The following ATXN2 variants were observed in gnomAD, a reference collection of about 807,000 sequenced individuals.
ATXN2 encodes the protein ataxin 2, also known as ataxin-2.
Under a neutral mutation model 138.6 loss-of-function variants are expected in ATXN2, and 37 were observed. That is an observed-to-expected ratio of 0.27 (90% CI 0.21 to 0.35). The LOEUF (loss-of-function observed/expected upper bound fraction) is 0.35, where lower values mean the gene tolerates loss of function less well. Among genes scored for constraint, ATXN2 ranks in the 10% least tolerant of loss-of-function variants. The probability of loss-of-function intolerance (pLI) is 1.00; values close to 1 mark genes in which losing one functional copy is unlikely to be tolerated. For missense variants in ATXN2, 1,216 were observed against 1,480.3 expected, an observed-to-expected ratio of 0.82 and a Z score of 2.93; for synonymous variants, 549 against 543.7, an observed-to-expected ratio of 1.01 and a Z score of -0.13.
intron 1 of ATXN2, among the ~76,000 whole-genome samples, chr12:111,569,665 A>G (rs1797346531): frequency 6.6e-6 from 1 of 152,204 alleles, no homozygotes; most frequent in South Asian, 2.1e-4. Context: ...GCAGTGAGCC[A>G]GGATCATGCC....
intron 14 of ATXN2, among the ~76,000 whole-genome samples, chr12:111,497,952 C>T (rs1878530172): frequency 6.6e-6 from 1 of 151,982 alleles, no homozygotes; most frequent in Non-Finnish European, 1.5e-5. Flanking sequence ...GGAGGTGGAG[C>T]TTGCAGTGAG....
chr12:111,579,045 A>T (rs933707266), intron 1 of ATXN2, among the ~76,000 whole-genome samples: 4 of 152,146 alleles, frequency 2.6e-5, no homozygotes, highest in Non-Finnish European at 4.4e-5. Context: ...CTCAAAAAAA[A>T]ATTCATACAC....
intron 1 of ATXN2, among the ~76,000 whole-genome samples, chr12:111,565,904 G>A (rs548908572): frequency 2.5e-4 from 38 of 151,806 alleles, no homozygotes; most frequent in Admixed American, 1.3e-4. Context: ...GCTGAGGCAC[G>A]AGAATTGCTT....
chr12:111,595,914 T>C (rs1201666591), intron 1 of ATXN2, among the ~76,000 whole-genome samples: 2 of 145,614 alleles, frequency 1.4e-5, no homozygotes, highest in East Asian at 4.0e-4. Context: ...AATACAAAAA[T>C]TGGCCAGGGG....
intron 18 of ATXN2, among the ~76,000 whole-genome samples, chr12:111,475,594 A>C (rs1249338483): frequency 6.6e-6 from 1 of 150,496 alleles, no homozygotes; most frequent in African/African-American, 2.4e-5. Context: ...GGGTTCAAGC[A>C]ATTCTTCTGC....
chr12:111,552,959 G>C lies in ATXN2; in HGVS notation c.367C>G (p.Gln123Glu). 7 of 1,562,496 alleles carry C rather than the reference G, an allele frequency of 4.5e-6. No individual in the cohort carries two copies. The highest frequency in any genetic ancestry group is 6.0e-6 in the Non-Finnish European group (7 of 1,159,364). ...TSVVGSKCEV[Q>E]VKNGGIYEGV... ...TCATATATACCTCCATTTTTCACTTGTACTTCACATTTGGAGCCCTAAAAA... is the reference window on the plus strand; with the variant it reads ...TCATATATACCTCCATTTTTCACTTCTACTTCACATTTGGAGCCCTAAAAA... The change falls in exon 4 of 25, where the codon CAA becomes GAA. Residue 123 changes from glutamine to glutamate, a missense_variant. Coordinates refer to ENST00000673436, the MANE Select transcript of ATXN2 (RefSeq NM_001372574.1). The surrounding 1 kb of genome is among the most constrained non-coding windows in gnomAD (Gnocchi z 4.1).
intron 15 of ATXN2, among the ~76,000 whole-genome samples, chr12:111,487,833 TA>T (rs946243809): frequency 8.6e-5 from 13 of 151,450 alleles, no homozygotes; most frequent in African/African-American, 2.2e-4. Flanking sequence ...GTCATGGCTG[TA>T]AAAAAAAATT....
intron 1 of ATXN2, chr12:111,597,890 C>G: frequency 1.6e-6 from 2 of 1,287,832 alleles, no homozygotes; most frequent in South Asian, 1.2e-5. Flanking sequence ...TCTCCAGGGT[C>G]CAGCCTGGGT....
Position 111,453,450 on chromosome 12 carries a change from C to T in ATXN2, c.3439+227G>A. ...TGCTGTTGCTGCTGCTGCTGCTTCTCATCAAGCCAAATCCTGTATACCATC... is the reference window on the plus strand; with the variant it reads ...TGCTGTTGCTGCTGCTGCTGCTTCTTATCAAGCCAAATCCTGTATACCATC... On this transcript the variant is annotated intron_variant, in intron 24 of 24. Coordinates refer to ENST00000673436, the MANE Select transcript of ATXN2 (RefSeq NM_001372574.1). The surrounding 1 kb of genome is among the most constrained non-coding windows in gnomAD (Gnocchi z 5.4). 1 of 1,268,240 alleles carries T rather than the reference C, an allele frequency of 7.9e-7. No homozygotes were observed. Among genetic ancestry groups the T allele is most frequent in the South Asian group, 2.7e-5 (1 of 37,172 alleles). The allele number at this position is 1,268,240 out of a possible 1,614,324, so 78.6% of individuals were successfully genotyped here.
chr12:111,554,200 G>T lies in ATXN2; in HGVS notation c.306C>A (p.Ile102=). The change falls in exon 3 of 25, where the codon ATC becomes ATA. Residue 102 remains isoleucine, a synonymous_variant. Transcript: ENST00000673436. The part of the protein sequence containing the change: ...LPQSTISFDG[I]YANMRMVHIL... ...TATGAACCATCCTCATATTTGCATA[G>T]ATTCCATCAAAAGAAATCTGGAATA... The T allele has an allele frequency of 1.4e-6, 2 of 1,436,836 alleles. No individual in the cohort carries two copies. Among genetic ancestry groups the T allele is most frequent in the South Asian group, 1.4e-5 (1 of 69,870 alleles). The allele number at this position is 1,436,836 out of a possible 1,614,324, so 89.0% of individuals were successfully genotyped here.
intron 16 of ATXN2, 43 bp downstream of exon 16, chr12:111,486,718 T>C: frequency 2.0e-6 from 3 of 1,532,792 alleles, no homozygotes; most frequent in Non-Finnish European, 2.7e-6. Context: ...ATAATTTTTC[T>C]TTTTTTGGGA....
chr12:111,487,056 G>A (rs1374991910), intron 15 of ATXN2, among the ~76,000 whole-genome samples: 6 of 151,674 alleles, frequency 4.0e-5, no homozygotes, highest in Admixed American at 1.3e-4. Flanking sequence ...ATATACAACC[G>A]TTCCTCTCAA....
At chr12:111,520,226 C>CAA in intron 7 of ATXN2, 150 bp from the exon 8 acceptor site, 1 of 1,077,668 alleles carries the variant, frequency 9.3e-7, no homozygotes. Flanking sequence ...TTATAGTGAT[C>CAA]TGTGTATTTA....
At chr12:111,541,761 A>G (rs1881530971) in intron 5 of ATXN2, among the ~76,000 whole-genome samples, 1 of 148,114 alleles carries the variant, frequency 6.8e-6, no homozygotes, top group South Asian at 2.1e-4. Flanking sequence ...CATTTTGTCA[A>G]TTTCTACAAA....
chr12:111,453,186 AG>A lies in ATXN2; in HGVS notation c.3440-347del. On this transcript the variant is annotated intron_variant, in intron 24 of 24. Transcript: ENST00000673436. This position sits in a 1 kb window ranked among gnomAD's most constrained non-coding sequence, Gnocchi z 5.4. Reference sequence around the variant, plus strand: ...TGAAGTATCGCCATGGCAGCCATCAAGTAGTAGAGCACAATCACAGGGCGCT... The same window carrying A: ...TGAAGTATCGCCATGGCAGCCATCAATAGTAGAGCACAATCACAGGGCGCT... 8.9e-7 allele frequency: 1 copy of A among 1,125,560 alleles called. No homozygotes were observed. Among genetic ancestry groups the A allele is most frequent in the Non-Finnish European group, 1.1e-6 (1 of 918,806 alleles). The allele number at this position is 1,125,560 out of a possible 1,614,324, so 69.7% of individuals were successfully genotyped here. A position where few individuals can be genotyped will look rare whatever the true frequency, so the allele number is the denominator to read the frequency against.
chr12:111,521,045 T>A, intron 6 of ATXN2, 72 bp from the exon 7 acceptor site: 1 of 970,780 alleles, frequency 1.0e-6, no homozygotes, highest in Non-Finnish European at 1.6e-6. Context: ...ATAACCAACA[T>A]CTATATTAAC....
rs1353861211 is a variant in ATXN2, at chr12:111,460,037, A to C, written c.2897-2678T>G. Reference sequence around the variant, plus strand: ...CGGCCTAAAAATTTATTTTTGAATAATAAAAAAGCCACATGTAGCTAAGTA... The same window carrying C: ...CGGCCTAAAAATTTATTTTTGAATACTAAAAAAGCCACATGTAGCTAAGTA... On this transcript the variant is annotated intron_variant, in intron 21 of 24. Coordinates refer to ENST00000673436, the MANE Select transcript of ATXN2 (RefSeq NM_001372574.1). Among the ~76,000 whole-genome samples the C allele has an allele frequency of 3.3e-5, 5 of 151,986 alleles. No homozygotes were observed. The East Asian group carries it at 9.7e-4, about 30-fold the overall frequency.
intron 20 of ATXN2, among the ~76,000 whole-genome samples, chr12:111,466,905 A>G (rs1014846417): frequency 2.6e-5 from 4 of 152,060 alleles, no homozygotes; most frequent in Admixed American, 6.5e-5. Flanking sequence ...TTATGACAAT[A>G]TATTTAATAT....
chr12:111,560,028 T>A (rs1882596593), intron 1 of ATXN2, among the ~76,000 whole-genome samples: 1 of 152,050 alleles, frequency 6.6e-6, no homozygotes, highest in African/African-American at 2.4e-5. Context: ...GAAAGAGAGC[T>A]GGGAGGACTC....
Sources: gnomAD v4.1 joint callset for allele counts (sites outside exome capture counted in the v4.1 genomes callset) on GRCh38, gnomAD v4.1.1 for gene constraint, Gnocchi (gnomAD v3.1) non-coding constraint, MANE v1.5 for transcripts, NCBI Gene and HGNC (gene_info 2026-07-23, HGNC 2026-07-21) for gene names.